CRTAP: variants seen among roughly 807,000 people sequenced by gnomAD.
CRTAP encodes cartilage associated protein.
Under a neutral mutation model 42.7 loss-of-function variants are expected in CRTAP, and 33 were observed. The ratio of observed to expected loss-of-function variants is 0.77; its 90% CI spans 0.59 to 1.03. CRTAP has a LOEUF of 1.03. Ranked by LOEUF, CRTAP falls within the 50% of genes least tolerant of loss-of-function variation. The pLI is 0.00. For synonymous variants in CRTAP, 243 were observed against 217.7 expected (o/e 1.12, Z -1.02); for missense variants, 613 against 533.9 (o/e 1.15, Z -1.46).
At chr3:33,129,543 T>C (rs1015141815) in intron 3 of CRTAP, among the ~76,000 whole-genome samples, 19 of 146,158 alleles carry the variant, frequency 1.3e-4, no homozygotes, top group African/African-American at 2.5e-4. Context: ...TTCTTTTTTT[T>C]TTTTTTTTTT....
At chr3:33,132,897 G>A (rs1293208164) in intron 5 of CRTAP, among the ~76,000 whole-genome samples, 197 bp downstream of exon 5, 1 of 152,126 alleles carries the variant, frequency 6.6e-6, no homozygotes, top group African/African-American at 2.4e-5. Context: ...GGCCAACACG[G>A]TGAAACCCCA....
At chr3:33,134,480 A>C (rs1000677034) in intron 6 of CRTAP, among the ~76,000 whole-genome samples, 2 of 152,202 alleles carry the variant, frequency 1.3e-5, no homozygotes, top group African/African-American at 4.8e-5. Context: ...ACATTTCCTG[A>C]TAGCGAAACG....
chr3:33,133,261 CT>C (rs11316535), intron 5 of CRTAP, among the ~76,000 whole-genome samples: 74,761 of 134,186 alleles, frequency 0.56, 19,846 homozygotes, highest in African/African-American at 0.69. Context: ...TTCTCTCTCT[CT>C]TTTTTTTTTT....
Position 33,129,938 on chromosome 3 carries a change from G to C in CRTAP, c.794-1G>C, listed in dbSNP as rs775037541. The stretch of plus-strand genomic sequence containing the variant: ...CTGAAAATTTATATGTTTTGTTTCA[G>C]ATCATTATGTAGAAGTTCTGGAATG... On this transcript the variant is annotated splice_acceptor_variant, in intron 3 of 6. Transcript: ENST00000320954. LOFTEE classifies it high-confidence loss of function. The C allele has an allele frequency of 1.1e-5, 17 of 1,612,806 alleles. No homozygotes were observed. The highest frequency in any genetic ancestry group is 1.4e-5 in the Non-Finnish European group (16 of 1,178,890).
At chr3:33,141,002 GT>G (rs11293198) in intron 6 of CRTAP, among the ~76,000 whole-genome samples, 128,152 of 151,830 alleles carry the variant, frequency 0.84, 54,186 homozygotes, top group East Asian at 0.96. Flanking sequence ...CAAGACTGCT[GT>G]TTTTTTTTGT....
At chr3:33,118,599 G>A (rs1701375343) in intron 1 of CRTAP, among the ~76,000 whole-genome samples, 1 of 152,256 alleles carries the variant, frequency 6.6e-6, no homozygotes, top group African/African-American at 2.4e-5. Context: ...ACTCTTAGAA[G>A]TCTAGGGTAT....
At chr3:33,141,800 G>A (rs2030578572) in intron 6 of CRTAP, among the ~76,000 whole-genome samples, 1 of 152,318 alleles carries the variant, frequency 6.6e-6, no homozygotes, top group African/African-American at 2.4e-5. Flanking sequence ...GCAGAAGGAG[G>A]GAGCAGGTGA....
At chr3:33,131,468 C>T (rs2030261420) in intron 4 of CRTAP, among the ~76,000 whole-genome samples, 1 of 152,202 alleles carries the variant, frequency 6.6e-6, no homozygotes, top group Non-Finnish European at 1.5e-5. Flanking sequence ...TGCATGCGGG[C>T]TCTGGCAGCT....
intron 2 of CRTAP, 51 bp from the exon 3 acceptor site, chr3:33,124,356 GT>G: frequency 6.2e-7 from 1 of 1,609,774 alleles, no homozygotes; most frequent in South Asian, 1.1e-5. Context: ...TTTCATGACT[GT>G]CTCCCTTCAC....
rs548636064 is a variant in CRTAP at position 33,141,279 on chromosome 3, C to T, written c.1153-1116C>T. Among the ~76,000 whole-genome samples the T allele has an allele frequency of 6.6e-5, 10 of 152,336 alleles. No homozygotes were observed. In the South Asian group the frequency reaches 1.9e-3, roughly 28 times the overall value. On this transcript the variant is annotated intron_variant, in intron 6 of 6. Coordinates refer to ENST00000320954, the MANE Select transcript of CRTAP (RefSeq NM_006371.5). Reference sequence around the variant, plus strand: ...ACACACAGCAGGATATAGTAACTCCCTAAGCAGAAGTCATAGCTATACACA... The same window carrying T: ...ACACACAGCAGGATATAGTAACTCCTTAAGCAGAAGTCATAGCTATACACA...
In CRTAP at chr3:33,120,459, A is replaced by T. The variant is rs141403914; in HGVS notation, c.587A>T (p.Asp196Val). Residue 196 changes from aspartate (D) to valine (V), a missense_variant, in exon 2 of 7, where the codon GAC (aspartate) becomes GTC (valine). Transcript: ENST00000320954. Reference sequence around the variant, plus strand: ...TATAAGAGCCTGCCTGGTGCCGAGGACTACATTAAAGACCTGGAAACCAAG... The same window carrying T: ...TATAAGAGCCTGCCTGGTGCCGAGGTCTACATTAAAGACCTGGAAACCAAG... ...AYYKSLPGAE[D>V]YIKDLETKSY... 19 of 1,611,736 alleles carry T rather than the reference A, an allele frequency of 1.2e-5. No homozygotes were observed. Among genetic ancestry groups the T allele is most frequent in the Non-Finnish European group, 1.6e-5 (19 of 1,177,962 alleles).
intron 4 of CRTAP, 127 bp downstream of exon 4, chr3:33,130,194 G>A: frequency 2.1e-6 from 2 of 951,510 alleles, no homozygotes; most frequent in East Asian, 2.7e-5. Flanking sequence ...CTGGTGCTAT[G>A]CTTTGCACAA....
At chr3:33,133,698 T>G (rs557635819) in intron 5 of CRTAP, among the ~76,000 whole-genome samples, 1 of 152,336 alleles carries the variant, frequency 6.6e-6, no homozygotes, top group Admixed American at 6.5e-5. Context: ...GTCGTGAATA[T>G]TTCTCCATGT....
At chr3:33,115,055 C>T (rs1352596057) in intron 1 of CRTAP, among the ~76,000 whole-genome samples, 1 of 152,130 alleles carries the variant, frequency 6.6e-6, no homozygotes, top group Non-Finnish European at 1.5e-5. Context: ...GGTGATCCTC[C>T]ACCTCAGCCT....
intron 3 of CRTAP, among the ~76,000 whole-genome samples, chr3:33,126,026 T>C (rs2030056959): frequency 6.6e-6 from 1 of 152,218 alleles, no homozygotes; most frequent in African/African-American, 2.4e-5. Flanking sequence ...TCCAGTGGCA[T>C]TGACTACATT....
intron 4 of CRTAP, 47 bp downstream of exon 4, chr3:33,130,114 A>G (rs1241873249): frequency 6.3e-7 from 1 of 1,578,328 alleles, no homozygotes; most frequent in African/African-American, 1.3e-5. Flanking sequence ...TAGTCCTTCT[A>G]AGACTGTAAA....
chr3:33,130,516 T>A (rs1575518174), intron 4 of CRTAP, among the ~76,000 whole-genome samples: 1 of 143,268 alleles, frequency 7.0e-6, no homozygotes, highest in East Asian at 2.1e-4. Flanking sequence ...TCTTTCTTTC[T>A]TTTCTTTTCT....
intron 4 of CRTAP, among the ~76,000 whole-genome samples, chr3:33,132,020 A>G (rs2030280828): frequency 6.6e-6 from 1 of 151,840 alleles, no homozygotes; most frequent in Non-Finnish European, 1.5e-5. Context: ...GAGAGGCTGG[A>G]GGTGGGAGTT....
chr3:33,114,483 C>G lies in CRTAP; in HGVS notation c.406C>G (p.Arg136Gly). 6.2e-7 allele frequency: 1 copy of G among 1,603,104 alleles called. No homozygotes were observed. Among genetic ancestry groups the G allele is most frequent in the Non-Finnish European group, 8.5e-7 (1 of 1,176,732 alleles). Residue 136 changes from arginine (R) to glycine (G), a missense_variant, in exon 1 of 7, where the codon CGC (arginine) becomes GGC (glycine). By Grantham distance (125) the Arg-to-Gly change is moderately radical. Transcript: ENST00000320954. ...AGCCTTCCGCCAGTCCCAGCCCAGC[C>G]GCGAGGTGCTGGCGGACTTCCAGCG... The part of the protein sequence containing the change: ...LPAFRQSQPS[R>G]EVLADFQRRE...
Sources: gnomAD v4.1 joint callset for allele counts (sites outside exome capture counted in the v4.1 genomes callset) on GRCh38, gnomAD v4.1.1 for gene constraint, MANE v1.5 for transcripts, NCBI Gene and HGNC (gene_info 2026-07-23, HGNC 2026-07-21) for gene names.